Variants in STRC observed in about 807,000 individuals in gnomAD.
STRC encodes the protein stereocilin.
STRC carries 43 observed loss-of-function variants against 103.5 expected under a neutral mutation model. The ratio of observed to expected loss-of-function variants is 0.42; its 90% CI spans 0.33 to 0.54. The LOEUF is 0.54. STRC is among the 20% of genes least tolerant of loss of function. The probability of loss-of-function intolerance (pLI) is 0.14; values close to 1 mark genes in which losing one functional copy is unlikely to be tolerated. For missense variants in STRC, 499 were observed against 1,088.5 expected (o/e 0.46, Z 7.62); for synonymous variants, 186 against 442.3 (o/e 0.42, Z 7.27).
At chr15:43,602,334 C>A (rs2085676677) in intron 23 of STRC, among the ~76,000 whole-genome samples, 1 of 151,720 alleles carries the variant, frequency 6.6e-6, no homozygotes, top group Admixed American at 6.6e-5. Flanking sequence ...GCATGTGCCG[C>A]CACACCCAGC....
rs1237667749 is a variant in STRC at position 43,600,872 on chromosome 15, C to G, written c.4844G>C (p.Ser1615Thr). The change falls in exon 25 of 29, where the codon AGC (serine) becomes ACC (threonine). Residue 1615 changes from serine (S) to threonine (T), a missense_variant and splice_region_variant. Physicochemically the swap from Ser to Thr is moderately conservative, Grantham distance 58. Coordinates refer to ENST00000450892, the MANE Select transcript of STRC (RefSeq NM_153700.2). The part of the protein sequence containing the change: ...ELQHISSWEF[S>T]QAALFLGTLH... Reference sequence around the variant, plus strand: ...CACCCTCAGCCCCTTCACAAATGACCTGAACTCCCAACTGCTGATGTGCTG... The same window carrying G: ...CACCCTCAGCCCCTTCACAAATGACGTGAACTCCCAACTGCTGATGTGCTG... The G allele has an allele frequency of 6.2e-7, 1 of 1,613,518 alleles. No individual in the cohort carries two copies.
rs567143586 is a variant in STRC, at chr15:43,601,099, T to C, written c.4702-85A>G. On this transcript the variant is annotated intron_variant, in intron 24 of 28. Transcript: ENST00000450892. ...GGAAGTGATAGGTGTTACTGGGTTA[T>C]ATTCTGTTACTATTAAGACCTAAGG... 32 of 1,065,118 alleles carry C rather than the reference T, an allele frequency of 3.0e-5. No homozygotes were observed. The Admixed American group carries it at 3.5e-4, about 12-fold the overall frequency. 66.0% of individuals were successfully genotyped at this position (1,065,118 alleles called of 1,614,324 possible).
intron 18 of STRC, among the ~76,000 whole-genome samples, chr15:43,607,149 G>A (rs1381985664): frequency 1.5e-5 from 2 of 137,442 alleles, no homozygotes; most frequent in African/African-American, 2.8e-5. Flanking sequence ...TGGTGGTAGG[G>A]GTAAAATGAG....
rs1234287927 is a variant in STRC at position 43,605,267 on chromosome 15, G to A, written c.3927C>T (p.Asn1309=). 3 of 1,584,762 alleles carry A rather than the reference G, an allele frequency of 1.9e-6. No individual in the cohort carries two copies. Among genetic ancestry groups the A allele is most frequent in the South Asian group, 2.3e-5 (2 of 87,500 alleles). ...GTCTGGTAGGGTGGACTCTTACCAG[G>A]TTTTGTAGTGCCCTCTCTGCCAGGG... ...QAALAERALQ[N]LAPKETPVSG... The change falls in exon 19 of 29, where the codon AAC becomes AAT. Residue 1309 remains asparagine (N), a synonymous_variant. Coordinates refer to ENST00000450892, the MANE Select transcript of STRC (RefSeq NM_153700.2).
intron 25 of STRC, 22 bp downstream of exon 25, chr15:43,600,850 C>T: frequency 1.2e-6 from 2 of 1,613,698 alleles, no homozygotes; most frequent in Non-Finnish European, 8.5e-7. Context: ...GCACCACCAC[C>T]CTCAGCCCCT....
In STRC at chr15:43,600,601, C is replaced by A; in HGVS notation, c.4926G>T (p.Leu1642=). 1 of 1,613,708 alleles carries A rather than the reference C, an allele frequency of 6.2e-7. No individual in the cohort carries two copies. The highest frequency in any genetic ancestry group is 1.1e-5 in the South Asian group (1 of 91,064). Residue 1642 remains leucine (L), a synonymous_variant, in exon 26 of 29, where the codon CTG becomes CTT. Transcript: ENST00000450892. ...TACTGATTGGGCCAAACCCACCAGG[C>A]AGTACAAGTAGGTGGGCCAGAACCT... ...QLEVLAHLLV[L]PGGFGPISNW...
At chr15:43,603,769 C>T (rs533369657) in intron 22 of STRC, among the ~76,000 whole-genome samples, 20 of 152,022 alleles carry the variant, frequency 1.3e-4, no homozygotes, top group East Asian at 5.8e-4. Context: ...AGAGCAGACA[C>T]GAGAGAGCAG....
At chr15:43,601,069 G>C in intron 24 of STRC, 55 bp from the exon 25 acceptor site, 1 of 1,285,342 alleles carries the variant, frequency 7.8e-7, no homozygotes, top group Admixed American at 1.9e-5. Context: ...AGAATTAATG[G>C]ACAGGGAAGT....
chr15:43,609,549 A>G (rs546045873), intron 15 of STRC: 1 of 581,092 alleles, frequency 1.7e-6, no homozygotes, highest in African/African-American at 2.0e-5. Flanking sequence ...AGCAAGTCAC[A>G]TTATAAGAGA....
At chr15:43,602,178 G>C (rs1461630580) in intron 23 of STRC, among the ~76,000 whole-genome samples, 1 of 143,730 alleles carries the variant, frequency 7.0e-6, no homozygotes, top group African/African-American at 2.6e-5. Flanking sequence ...CTTTCCCCCA[G>C]AGGCTTATTT....
chr15:43,604,991 T>G, intron 19 of STRC, 145 bp from the exon 20 acceptor site: 1 of 1,349,588 alleles, frequency 7.4e-7, no homozygotes, highest in Non-Finnish European at 1.0e-6. Flanking sequence ...GTTCACTTCC[T>G]TAAGCAATGA....
At chr15:43,603,503 G>C (rs909550317) in intron 22 of STRC, 92 bp from the exon 23 acceptor site, 1 of 1,356,148 alleles carries the variant, frequency 7.4e-7, no homozygotes, top group African/African-American at 1.4e-5. Context: ...CCAACCTTTG[G>C]AGGATAGAGC....
rs778113687 is a variant in STRC at position 43,600,490 on chromosome 15, T to C, written c.4993+44A>G. The stretch of plus-strand genomic sequence containing the variant: ...TCTTCCATCCAGTCCACCCATGGTA[T>C]AGAAACCAAACCAACTTGCACCAGC... On this transcript the variant is annotated intron_variant, in intron 26 of 28. Coordinates refer to ENST00000450892, the MANE Select transcript of STRC (RefSeq NM_153700.2). The C allele has an allele frequency of 1.7e-5, 28 of 1,607,926 alleles. 1 individual carries two copies. The South Asian group carries it at 2.4e-4, about 14-fold the overall frequency.
intron 19 of STRC, 97 bp downstream of exon 19, chr15:43,605,167 C>T: frequency 6.4e-7 from 1 of 1,557,626 alleles, no homozygotes; most frequent in Non-Finnish European, 8.7e-7. Flanking sequence ...AGCAAGAAAG[C>T]AAGAAGTAGA....
At position 43,611,149 on chromosome 15, in the gene STRC, C is replaced by T. The variant is rs768051171; in HGVS notation, c.3305G>A (p.Arg1102Gln). The T allele has an allele frequency of 5.7e-5, 80 of 1,414,966 alleles. No homozygotes were observed. The highest frequency in any genetic ancestry group is 6.7e-5 in the Non-Finnish European group (69 of 1,027,356). The allele number at this position is 1,414,966 out of a possible 1,614,324, so 87.7% of individuals were successfully genotyped here. A position where few individuals can be genotyped will look rare whatever the true frequency, so the allele number is the denominator to read the frequency against. Reference sequence around the variant, plus strand: ...TCATCCTCCTTGCCACTCTCATACCCGAAAGGTCTGCAGCAGTGCTGCGGT... The same window carrying T: ...TCATCCTCCTTGCCACTCTCATACCTGAAAGGTCTGCAGCAGTGCTGCGGT... ...CQTAALLQTF[R>Q]VKDGVKNMGT... Residue 1102 changes from arginine (R) to glutamine (Q), a missense_variant and splice_region_variant, in exon 13 of 29, where the codon CGG (arginine) becomes CAG (glutamine). Transcript: ENST00000450892.
intron 24 of STRC, 97 bp from the exon 25 acceptor site, chr15:43,601,111 A>G (rs2085663784): frequency 3.1e-6 from 3 of 980,972 alleles, no homozygotes; most frequent in African/African-American, 3.4e-5. Context: ...TTCTGTTACT[A>G]TTAAGACCTA....
chr15:43,603,458 T>C (rs1478861273), intron 22 of STRC, 47 bp from the exon 23 acceptor site: 2 of 1,587,772 alleles, frequency 1.3e-6, no homozygotes, highest in African/African-American at 1.3e-5. Flanking sequence ...TAATAAAATA[T>C]GCCCAGAGAG....
In STRC at chr15:43,600,803, T is replaced by C. The variant is rs893794893; in HGVS notation, c.4844+69A>G. ...CTTCCTCCATGGGACCAGACCTTCA[T>C]GATCCTTCTTTCCCCAGTAAGTCCA... On this transcript the variant is annotated intron_variant, in intron 25 of 28. Transcript: ENST00000450892. 54 of 1,613,326 alleles carry C rather than the reference T, an allele frequency of 3.3e-5. No individual in the cohort carries two copies. In the African/African-American group the frequency reaches 5.1e-4, roughly 15 times the overall value.
chr15:43,605,049 T>C (rs1595959367), intron 19 of STRC: 1 of 899,866 alleles, frequency 1.1e-6, no homozygotes, highest in Non-Finnish European at 1.7e-6. Flanking sequence ...CTCCAAGAGA[T>C]TTCTCGGACT....
Sources: allele counts gnomAD v4.1 joint callset (sites outside exome capture counted in the v4.1 genomes callset), GRCh38; gene constraint gnomAD v4.1.1; transcripts MANE v1.5; gene names NCBI Gene and HGNC (gene_info 2026-07-23, HGNC 2026-07-21).